Variants in IDUA observed in about 807,000 individuals in gnomAD.
The protein encoded by IDUA is iduronidase alpha-L-.
IDUA carries 65 observed loss-of-function variants against 68.9 expected under a neutral mutation model. That is an observed-to-expected ratio of 0.94 (90% confidence interval 0.77 to 1.16). The LOEUF (loss-of-function observed/expected upper bound fraction) is 1.16. IDUA is among the 50% of genes most tolerant of loss of function. IDUA has a pLI of 0.00. For synonymous variants in IDUA, 529 were observed against 433.6 expected (o/e 1.22, Z -2.73); for missense variants, 1,046 against 938.0 (o/e 1.12, Z -1.50).
intron 2 of IDUA, among the ~76,000 whole-genome samples, chr4:997,632 G>C (rs924423403): frequency 5.9e-5 from 9 of 152,168 alleles, no homozygotes; most frequent in Non-Finnish European, 1.2e-4. Context: ...TCCGTTCCCG[G>C]GCTGGGCGGT....
At chr4:999,543 T>C (rs1419558718) in intron 2 of IDUA, among the ~76,000 whole-genome samples, 1 of 152,238 alleles carries the variant, frequency 6.6e-6, no homozygotes, top group Non-Finnish European at 1.5e-5. Flanking sequence ...GGCTCCTCAC[T>C]CCCTGTCGTA....
Position 1,003,993 on chromosome 4 carries a change from C to T in IDUA, c.1728-19C>T. 2 of 1,599,930 alleles carry T rather than the reference C, an allele frequency of 1.3e-6. No homozygotes were observed. Among genetic ancestry groups the T allele is most frequent in the Admixed American group, 1.7e-5 (1 of 59,924 alleles). ...GGACTGTCTTGACCCCAGCCTTGTT[C>T]TTGGCCTGACCTCCCCAGGTGCCTG... On this transcript the variant is annotated intron_variant, in intron 12 of 13. Coordinates refer to ENST00000514224, the MANE Select transcript of IDUA (RefSeq NM_000203.5).
chr4:987,686 C>G, intron 1 of IDUA, 123 bp from the exon 2 acceptor site: 1 of 1,516,624 alleles, frequency 6.6e-7, no homozygotes, highest in Non-Finnish European at 8.8e-7. Context: ...TTTTATTAGT[C>G]ACTGAACGCA....
At position 988,112 on chromosome 4, in the gene IDUA, G is replaced by T. The variant is rs1713891602; in HGVS notation, c.299+163G>T. 4 of 1,422,264 alleles carry T rather than the reference G, an allele frequency of 2.8e-6. No individual in the cohort carries two copies. In the East Asian group the frequency reaches 1.0e-4, roughly 36 times the overall value. The allele number at this position is 1,422,264 out of a possible 1,614,324, so 88.1% of individuals were successfully genotyped here. ...TGCTGGCTGTGCTGGGGTGAGGGCT[G>T]TGTGCTGGAGGGAGCCCCTGCATGG... On this transcript the variant is annotated intron_variant, in intron 2 of 13. Transcript: ENST00000514224.
rs762406262 is a variant in IDUA, at chr4:987,843, G to A, written c.193G>A (p.Val65Ile). The A allele has an allele frequency of 1.1e-5, 18 of 1,612,462 alleles. No individual in the cohort carries two copies. The Middle Eastern group carries it at 6.6e-4, about 59-fold the overall frequency. The change falls in exon 2 of 14, where the codon GTC becomes ATC. Residue 65 changes from valine to isoleucine, a missense_variant. Physicochemically the swap from Val to Ile is conservative, Grantham distance 29. Transcript: ENST00000514224. Reference sequence around the variant, plus strand: ...GCCACACAGCCAGGCTGACCAGTACGTCCTCAGCTGGGACCAGCAGCTCAA... The same window carrying A: ...GCCACACAGCCAGGCTGACCAGTACATCCTCAGCTGGGACCAGCAGCTCAA... ...PLPHSQADQY[V>I]LSWDQQLNLA...
intron 8 of IDUA, 65 bp downstream of exon 8, chr4:1,002,550 G>A: frequency 2.2e-6 from 3 of 1,370,278 alleles, no homozygotes; most frequent in East Asian, 2.9e-5. Flanking sequence ...CTCCTGCGAA[G>A]GCCCCGCTGC....
chr4:990,576 G>A lies in IDUA; in HGVS notation c.299+2627G>A. ...GCAGACAACTGTGACATCCACGTGAGCATCACACGTGCACACAGCTGGCCA... is the reference window on the plus strand; with the variant it reads ...GCAGACAACTGTGACATCCACGTGAACATCACACGTGCACACAGCTGGCCA... On this transcript the variant is annotated intron_variant, in intron 2 of 13. Transcript: ENST00000514224. 6.7e-6 allele frequency: 4 copies of A among 593,700 alleles called. No homozygotes were observed. The South Asian group carries it at 8.0e-5, about 12-fold the overall frequency. 36.8% of individuals were successfully genotyped at this position (593,700 alleles called of 1,614,324 possible). A position where few individuals can be genotyped will look rare whatever the true frequency, so the allele number is the denominator to read the frequency against.
At position 1,002,728 on chromosome 4, in the gene IDUA, G is replaced by T; in HGVS notation, c.1190-4G>T. The T allele has an allele frequency of 7.1e-7, 1 of 1,402,812 alleles. No individual in the cohort carries two copies. 86.9% of individuals were successfully genotyped at this position (1,402,812 alleles called of 1,614,324 possible). A position where few individuals can be genotyped will look rare whatever the true frequency, so the allele number is the denominator to read the frequency against. On this transcript the variant is annotated splice_region_variant and splice_polypyrimidine_tract_variant and intron_variant, in intron 8 of 13. Coordinates refer to ENST00000514224, the MANE Select transcript of IDUA (RefSeq NM_000203.5). ...CGCGGCGACGGCCCCCCCCCGCCCC[G>T]CAGATGAGGAGCAGCTCTGGGCCGA...
chr4:989,025 C>T, intron 2 of IDUA: 3 of 1,584,486 alleles, frequency 1.9e-6, no homozygotes, highest in South Asian at 1.1e-5. Context: ...TGCCCAGGGC[C>T]CCGTAGTCTC....
At chr4:995,714 C>T (rs1450553986) in intron 2 of IDUA, among the ~76,000 whole-genome samples, 4 of 152,228 alleles carry the variant, frequency 2.6e-5, no homozygotes, top group African/African-American at 7.2e-5. Flanking sequence ...GGCACAGCCC[C>T]GGAGGGAGGA....
rs1483773039 is a variant in IDUA at position 991,134 on chromosome 4, A to T, written c.299+3185A>T. ...CCCAAGCAGGGCTCCTCACCTGGTA[A>T]AGCCCGGTCATCAGCGTGAGGGCGG... On this transcript the variant is annotated intron_variant, in intron 2 of 13. Coordinates refer to ENST00000514224, the MANE Select transcript of IDUA (RefSeq NM_000203.5). 2.0e-6 allele frequency: 3 copies of T among 1,538,452 alleles called. No individual in the cohort carries two copies. In the South Asian group the frequency reaches 3.8e-5, roughly 19 times the overall value.
At position 1,000,566 on chromosome 4, in the gene IDUA, AGCTGTGTG is replaced by A. The variant is rs1715009754; in HGVS notation, c.300-44_300-37del. On this transcript the variant is annotated intron_variant, in intron 2 of 13. Coordinates refer to ENST00000514224, the MANE Select transcript of IDUA (RefSeq NM_000203.5). ...GCCACGGTTCCAGCCTGGAGCATGG[AGCTGTGTG>A]GGCACCCTGCTTCCTGACGCTGACC... is the stretch of plus-strand genomic sequence containing the variant. 2.1e-6 allele frequency: 3 copies of A among 1,429,504 alleles called. No individual in the cohort carries two copies. The African/African-American group carries it at 4.2e-5, about 20-fold the overall frequency. The allele number at this position is 1,429,504 out of a possible 1,614,324, so 88.6% of individuals were successfully genotyped here.
At chr4:991,701 C>T in intron 2 of IDUA, 3 of 1,534,498 alleles carry the variant, frequency 2.0e-6, no homozygotes, top group East Asian at 2.3e-5. Flanking sequence ...GGGACTCGTC[C>T]ATCCTGTTGC....
intron 2 of IDUA, among the ~76,000 whole-genome samples, chr4:999,098 A>C (rs189180247): frequency 6.6e-6 from 1 of 151,822 alleles, no homozygotes; most frequent in East Asian, 1.9e-4. Context: ...CCAGCTACTC[A>C]GGAGGCTGAG....
Position 1,001,860 on chromosome 4 carries a change from C to G in IDUA, c.771C>G (p.Asp257Glu). The change falls in exon 6 of 14, where the codon GAC becomes GAG. Residue 257 changes from aspartate to glutamate, a missense_variant. By Grantham distance (45) the Asp-to-Glu change is conservative (BLOSUM62 2). Transcript: ENST00000514224. ...CTGGGGAGGCGGGCGTGCGGCTGGA[C>G]TACATCTCCCTCCACAGGAAGGTGC... is the stretch of plus-strand genomic sequence containing the variant. ...FFTGEAGVRLDYISLHRKGAR... is the reference protein window; with the variant it reads ...FFTGEAGVRLEYISLHRKGAR... The G allele has an allele frequency of 6.3e-7, 1 of 1,592,164 alleles. No homozygotes were observed. Among genetic ancestry groups the G allele is most frequent in the South Asian group, 1.1e-5 (1 of 88,354 alleles).
At chr4:991,418 G>A in intron 2 of IDUA, 4 of 1,612,820 alleles carry the variant, frequency 2.5e-6, no homozygotes, top group Non-Finnish European at 3.4e-6. Flanking sequence ...ATGGGCTGCA[G>A]CCCGGCCAGC....
intron 1 of IDUA, 31 bp from the exon 2 acceptor site, chr4:987,778 C>T (rs751187926): frequency 7.4e-6 from 12 of 1,610,964 alleles, no homozygotes; most frequent in African/African-American, 6.7e-5. Context: ...TGCTGAGGCT[C>T]GGGACTGAGC....
chr4:988,142 C>A, intron 2 of IDUA, 193 bp downstream of exon 2: 1 of 1,403,934 alleles, frequency 7.1e-7, no homozygotes, highest in East Asian at 2.6e-5. Flanking sequence ...GCATGGGGCA[C>A]GGTGGGCTTC....
In IDUA at chr4:1,002,954, G is replaced by A. The variant is rs1298848448; in HGVS notation, c.1402+10G>A. ...GTGCCCCCCGGCCCGGGTAAGCCGGGGTTCCAGGGAGGTCTCTGGCCCCGC... is the reference window on the plus strand; with the variant it reads ...GTGCCCCCCGGCCCGGGTAAGCCGGAGTTCCAGGGAGGTCTCTGGCCCCGC... On this transcript the variant is annotated intron_variant, in intron 9 of 13. Transcript: ENST00000514224. 5.9e-6 allele frequency: 8 copies of A among 1,362,948 alleles called. No individual in the cohort carries two copies. The highest frequency in any genetic ancestry group is 7.5e-6 in the Non-Finnish European group (8 of 1,064,884). 84.4% of individuals were successfully genotyped at this position (1,362,948 alleles called of 1,614,324 possible). A position where few individuals can be genotyped will look rare whatever the true frequency, so the allele number is the denominator to read the frequency against.
Sources: allele counts gnomAD v4.1 joint callset (sites outside exome capture counted in the v4.1 genomes callset), GRCh38; gene constraint gnomAD v4.1.1; transcripts MANE v1.5; gene names NCBI Gene and HGNC (gene_info 2026-07-23, HGNC 2026-07-21).